RECQL5: variants seen among roughly 807,000 people sequenced by gnomAD.
The protein encoded by RECQL5 is ATP-dependent DNA helicase Q5.
In RECQL5, 88 loss-of-function variants were observed where a neutral mutation model predicts 103.4. That is an observed-to-expected ratio of 0.85 (90% CI 0.72 to 1.02). The LOEUF (loss-of-function observed/expected upper bound fraction) is 1.02. Among genes scored for constraint, RECQL5 ranks in the 50% least tolerant of loss-of-function variants. The pLI is 0.00. For synonymous variants in RECQL5, 552 were observed against 507.9 expected (o/e 1.09, Z -1.17); for missense variants, 1,232 against 1,284.3 (o/e 0.96, Z 0.62).
intron 2 of RECQL5, 150 bp downstream of exon 2, chr17:75,666,278 G>C (rs2059779205): frequency 1.1e-6 from 1 of 923,060 alleles, no homozygotes; most frequent in South Asian, 1.8e-5. Flanking sequence ...ACAAATAAAC[G>C]AAACTACAAG....
At chr17:75,629,535 C>G in intron 15 of RECQL5, 60 bp from the exon 16 acceptor site, 7 of 1,499,128 alleles carry the variant, frequency 4.7e-6, no homozygotes, top group Non-Finnish European at 6.2e-6. Flanking sequence ...GAGGGCACCG[C>G]TGGCTGGAGC....
rs1169123314 is a variant in RECQL5, at chr17:75,627,514, C to T, written c.2884G>A (p.Glu962Lys). The change falls in exon 20 of 20, where the codon GAG (glutamate) becomes AAG (lysine). Residue 962 changes from glutamate (E) to lysine (K), a missense_variant. By Grantham distance (56) the Glu-to-Lys change is moderately conservative (BLOSUM62 1). Transcript: ENST00000317905. ...AAGTGCCTGATGAGGTTCTGGGCCTCTTCTTTCACTACAGATTCAGGGTGG... is the reference window on the plus strand; with the variant it reads ...AAGTGCCTGATGAGGTTCTGGGCCTTTTCTTTCACTACAGATTCAGGGTGG... Reference protein sequence around the residue: ...KTSPGRSVKEEAQNLIRHFFH... With the variant: ...KTSPGRSVKEKAQNLIRHFFH... 1.2e-6 allele frequency: 2 copies of T among 1,613,926 alleles called. No homozygotes were observed. Among genetic ancestry groups the T allele is most frequent in the East Asian group, 4.5e-5 (2 of 44,868 alleles).
chr17:75,649,579 G>A, intron 8 of RECQL5: 1 of 975,212 alleles, frequency 1.0e-6, no homozygotes, highest in Non-Finnish European at 1.2e-6. Flanking sequence ...GTGGGAGGCT[G>A]CTTCGACCTC....
intron 7 of RECQL5, among the ~76,000 whole-genome samples, chr17:75,654,596 T>C (rs1243861656): frequency 6.6e-6 from 1 of 152,178 alleles, no homozygotes; most frequent in Non-Finnish European, 1.5e-5. Context: ...AGTTTCCACA[T>C]ACAGCATTGC....
At chr17:75,662,348 T>G in intron 4 of RECQL5, 131 bp downstream of exon 4, 1 of 1,012,958 alleles carries the variant, frequency 9.9e-7, no homozygotes, top group Non-Finnish European at 1.5e-6. Flanking sequence ...AGACAACTCT[T>G]TTTGTGCACA....
At chr17:75,645,945 G>A (rs775579636) in intron 8 of RECQL5, among the ~76,000 whole-genome samples, 1 of 152,182 alleles carries the variant, frequency 6.6e-6, no homozygotes, top group South Asian at 2.1e-4. Flanking sequence ...GGCAGGGCCC[G>A]CCTCTCTGAT....
At chr17:75,647,476 G>A (rs766359460) in intron 8 of RECQL5, 7 of 1,550,304 alleles carry the variant, frequency 4.5e-6, no homozygotes, top group Middle Eastern at 4.2e-4. Flanking sequence ...ATTCATCACC[G>A]CTGTCCTGCT....
rs1172005925 is a variant in RECQL5 at position 75,663,099 on chromosome 17, C to T, written c.253-102G>A. The T allele has an allele frequency of 3.6e-6, 4 of 1,115,242 alleles. No individual in the cohort carries two copies. The African/African-American group carries it at 6.4e-5, about 18-fold the overall frequency. The allele number at this position is 1,115,242 out of a possible 1,614,324, so 69.1% of individuals were successfully genotyped here. ...CAGTCATAAACTGTCCTCCTCCCAC[C>T]CTCCAATATATATTCTCTTTGCATA... is the stretch of plus-strand genomic sequence containing the variant. On this transcript the variant is annotated intron_variant, in intron 3 of 19. Transcript: ENST00000317905.
At position 75,629,250 on chromosome 17, in the gene RECQL5, C is replaced by T. The variant is rs1029132514; in HGVS notation, c.2173G>A (p.Gly725Arg). Residue 725 changes from glycine to arginine, a missense_variant, in exon 16 of 20, where the codon GGG becomes AGG. Physicochemically the swap from Gly to Arg is moderately radical, Grantham distance 125. Transcript: ENST00000317905. ...EVPGGSAHYG[G>R]PSPEKKAKSS... The stretch of plus-strand genomic sequence containing the variant: ...TTTGCCTTCTTCTCAGGGGAGGGCC[C>T]CCCATAGTGAGCGCTGCCTCCAGGG... The T allele has an allele frequency of 6.2e-7, 1 of 1,612,038 alleles. No homozygotes were observed. The highest frequency in any genetic ancestry group is 8.5e-7 in the Non-Finnish European group (1 of 1,179,330).
chr17:75,638,275 G>A (rs1246119348), intron 8 of RECQL5: 1 of 152,216 alleles, frequency 6.6e-6, no homozygotes, highest in Non-Finnish European at 1.5e-5. Context: ...GATGTCAGGA[G>A]TTCGAGACCA....
In RECQL5 at chr17:75,629,074, C is replaced by T; in HGVS notation, c.2349G>A (p.Glu783=). Reference sequence around the variant, plus strand: ...CACAGGAGGGGCAGGCACCTTCTGCCTCTGGGGCTGATGCCAGCAGAGCTG... The same window carrying T: ...CACAGGAGGGGCAGGCACCTTCTGCTTCTGGGGCTGATGCCAGCAGAGCTG... ...ESPALLASAP[E]AEGACPSCEG... Residue 783 remains glutamate, a synonymous_variant, in exon 16 of 20, where the codon GAG becomes GAA. Coordinates refer to ENST00000317905, the MANE Select transcript of RECQL5 (RefSeq NM_004259.7). The T allele has an allele frequency of 6.2e-7, 1 of 1,612,692 alleles. No homozygotes were observed.
At chr17:75,651,889 T>C (rs905594377) in intron 7 of RECQL5, among the ~76,000 whole-genome samples, 15 of 152,182 alleles carry the variant, frequency 9.9e-5, no homozygotes, top group Non-Finnish European at 1.8e-4. Flanking sequence ...TCTGTGTATA[T>C]TGGAGGGAGA....
chr17:75,628,799 CCTGGTGG>C lies in RECQL5; in HGVS notation c.2490-44_2490-38del, dbSNP rs2059153106. ...AAGAGCAGGCATCACAGCACTGGGT[CCTGGTGG>C]CTCCCTCATCCCAGGAGGCCTAGGA... On this transcript the variant is annotated intron_variant, in intron 16 of 19. Transcript: ENST00000317905. 3.1e-6 allele frequency: 5 copies of C among 1,604,898 alleles called. No individual in the cohort carries two copies. In the East Asian group the frequency reaches 1.1e-4, roughly 36 times the overall value.
Position 75,630,845 on chromosome 17 carries a change from G to GA in RECQL5, c.1586-9_1586-8insT, listed in dbSNP as rs756811280. 1 of 1,398,000 alleles carries GA rather than the reference G, an allele frequency of 7.2e-7. No homozygotes were observed. Among genetic ancestry groups the GA allele is most frequent in the Non-Finnish European group, 9.6e-7 (1 of 1,044,024 alleles). 86.6% of individuals were successfully genotyped at this position (1,398,000 alleles called of 1,614,324 possible). On this transcript the variant is annotated splice_polypyrimidine_tract_variant and intron_variant, in intron 11 of 19. Transcript: ENST00000317905. ...TCAGGGGACAGTTCTCATCTGTGGG[G>GA]GGGGGGGGTGGTCCTTGGTCCTTTC...
intron 8 of RECQL5, chr17:75,649,830 C>A (rs2059532833): frequency 1.0e-6 from 1 of 985,316 alleles, no homozygotes; most frequent in Non-Finnish European, 1.2e-6. Context: ...ACCTGGACTC[C>A]TTGAGTCCAC....
rs992815378 is a variant in RECQL5, at chr17:75,640,297, C to T, written c.1230-8629G>A. 29 of 1,550,782 alleles carry T rather than the reference C, an allele frequency of 1.9e-5. No homozygotes were observed. The highest frequency in any genetic ancestry group is 2.4e-5 in the East Asian group (1 of 40,888). On this transcript the variant is annotated intron_variant, in intron 8 of 19. Transcript: ENST00000317905. The surrounding 1 kb of genome is among the most constrained non-coding windows in gnomAD (Gnocchi z 4.6). ...TGCCCCAGGCTGAGCCCGTGGAGATCGTGGCCTTCTCAGTCATCATCCTTT... is the reference window on the plus strand; with the variant it reads ...TGCCCCAGGCTGAGCCCGTGGAGATTGTGGCCTTCTCAGTCATCATCCTTT...
At chr17:75,667,020 C>G (rs1413839357) in intron 1 of RECQL5, 24 bp downstream of exon 1, 2 of 272,672 alleles carry the variant, frequency 7.3e-6, no homozygotes, top group Non-Finnish European at 1.4e-5. Flanking sequence ...TGGCCGACAC[C>G]TCCCTCTCTT....
chr17:75,666,995 A>C, intron 1 of RECQL5, 49 bp downstream of exon 1: 1 of 251,266 alleles, frequency 4.0e-6, no homozygotes, highest in Non-Finnish European at 7.8e-6. Flanking sequence ...AAGATCCGCA[A>C]TTTTCTCTCT....
At position 75,627,472 on chromosome 17, in the gene RECQL5, G is replaced by A. The variant is rs752348322; in HGVS notation, c.2926C>T (p.Arg976Trp). 3.2e-5 allele frequency: 52 copies of A among 1,613,652 alleles called. No homozygotes were observed. Among genetic ancestry groups the A allele is most frequent in the African/African-American group, 2.1e-4 (16 of 74,932 alleles). Residue 976 changes from arginine (R) to tryptophan (W), a missense_variant, in exon 20 of 20, where the codon CGG becomes TGG. By Grantham distance (101) the Arg-to-Trp change is moderately radical. Coordinates refer to ENST00000317905, the MANE Select transcript of RECQL5 (RefSeq NM_004259.7). Reference protein sequence around the residue: ...LIRHFFHGRARCESEADWHGL... With the variant: ...LIRHFFHGRAWCESEADWHGL... ...TGCCAGTCAGCTTCGCTCTCGCACCGGGCCCGGCCATGGAAGAAGTGCCTG... is the reference window on the plus strand; with the variant it reads ...TGCCAGTCAGCTTCGCTCTCGCACCAGGCCCGGCCATGGAAGAAGTGCCTG...
Sources: allele counts gnomAD v4.1 joint callset (sites outside exome capture counted in the v4.1 genomes callset), GRCh38; gene constraint gnomAD v4.1.1; non-coding constraint Gnocchi (gnomAD v3.1); transcripts MANE v1.5; gene names NCBI Gene and HGNC (gene_info 2026-07-23, HGNC 2026-07-21).